The following LIG1 variants were observed in gnomAD, a reference collection of about 807,000 sequenced individuals.
LIG1 encodes DNA ligase 1, also known as ligase I, DNA, ATP-dependent.
Under a neutral mutation model 115.7 loss-of-function variants are expected in LIG1, and 70 were observed. That is an observed-to-expected ratio of 0.60 (90% CI 0.50 to 0.74). The LOEUF (loss-of-function observed/expected upper bound fraction) is 0.74. LIG1 is among the 30% of genes least tolerant of loss of function. The pLI is 0.00. For synonymous variants in LIG1, 487 were observed against 495.3 expected (o/e 0.98, Z 0.22); for missense variants, 1,115 against 1,225.6 (o/e 0.91, Z 1.35).
At chr19:48,117,460 C>T (rs2032931254) in intron 26 of LIG1, among the ~76,000 whole-genome samples, 178 bp downstream of exon 26, 2 of 152,192 alleles carry the variant, frequency 1.3e-5, no homozygotes, top group African/African-American at 4.8e-5. Flanking sequence ...ATGCCCGGCC[C>T]ATTTTTAAAG....
chr19:48,157,367 G>C (rs2035917416), intron 4 of LIG1, among the ~76,000 whole-genome samples: 1 of 152,034 alleles, frequency 6.6e-6, no homozygotes, highest in Admixed American at 6.6e-5. Context: ...GTTTTCTACA[G>C]TAACAGAATC....
intron 11 of LIG1, among the ~76,000 whole-genome samples, chr19:48,141,446 A>T (rs1262121842): frequency 3.9e-5 from 6 of 152,152 alleles, no homozygotes; most frequent in Admixed American, 2.0e-4. Flanking sequence ...GCACCTTTTA[A>T]CTCATAGAAT....
intron 9 of LIG1, among the ~76,000 whole-genome samples, chr19:48,149,143 C>A (rs1193126388): frequency 6.6e-6 from 1 of 152,184 alleles, no homozygotes; most frequent in Non-Finnish European, 1.5e-5. Context: ...AACTGTGTCT[C>A]TACTGAAAAT....
At position 48,136,134 on chromosome 19, in the gene LIG1, A is replaced by G. The variant is rs2034374568; in HGVS notation, c.1332-9T>C. 1 of 1,559,034 alleles carries G rather than the reference A, an allele frequency of 6.4e-7. No individual in the cohort carries two copies. On this transcript the variant is annotated splice_polypyrimidine_tract_variant and intron_variant, in intron 14 of 27. Coordinates refer to ENST00000263274, the MANE Select transcript of LIG1 (RefSeq NM_000234.3). Reference sequence around the variant, plus strand: ...GCCGTCCGCTCAGGGACCTGGGGAGAGAGCAGGCCAGGGAAGGGGGCTTGT... The same window carrying G: ...GCCGTCCGCTCAGGGACCTGGGGAGGGAGCAGGCCAGGGAAGGGGGCTTGT...
rs962157754 is a variant in LIG1, at chr19:48,153,873, TTCC to T, written c.462_464del (p.Glu158del). 1.3e-6 allele frequency: 2 copies of T among 1,572,192 alleles called. No homozygotes were observed. Among genetic ancestry groups the T allele is most frequent in the East Asian group, 2.4e-5 (1 of 42,114 alleles). The stretch of plus-strand genomic sequence containing the variant: ...ACTTCTCTCCTTCTGGGGGCTCACC[TTCC>T]TCCTCCTTCTTCCTCTTGGCTTCTC... On this transcript the variant is annotated inframe_deletion and splice_region_variant, in exon 6 of 28. Transcript: ENST00000263274.
At position 48,144,036 on chromosome 19, in the gene LIG1, T is replaced by A. The variant is rs2034957026; in HGVS notation, c.777-73A>T. On this transcript the variant is annotated intron_variant, in intron 9 of 27. Transcript: ENST00000263274. ...GCAAAGTCATTCCTTCCAACTGTGA[T>A]GTGCCAGGCTCTGTTCAAGGCACAC... 7.4e-6 allele frequency: 9 copies of A among 1,215,592 alleles called. No individual in the cohort carries two copies. The South Asian group carries it at 1.1e-4, about 15-fold the overall frequency. The allele number at this position is 1,215,592 out of a possible 1,614,324, so 75.3% of individuals were successfully genotyped here.
At chr19:48,131,645 GC>G (rs1269340900) in intron 18 of LIG1, among the ~76,000 whole-genome samples, 1 of 151,964 alleles carries the variant, frequency 6.6e-6, no homozygotes, top group Non-Finnish European at 1.5e-5. Context: ...TTTTAGTAGA[GC>G]CAGGCTGGTC....
In LIG1 at chr19:48,115,853, C is replaced by T; in HGVS notation, c.2676+20G>A. 1 of 1,608,922 alleles carries T rather than the reference C, an allele frequency of 6.2e-7. No individual in the cohort carries two copies. The highest frequency in any genetic ancestry group is 8.5e-7 in the Non-Finnish European group (1 of 1,175,480). On this transcript the variant is annotated intron_variant, in intron 27 of 27. Transcript: ENST00000263274. ...GGGCCAAGCAGCTGGGCGGCCCACC[C>T]CTGCTTCCCAGGACCTCACCTGAGC...
At chr19:48,161,337 T>C in intron 4 of LIG1, 35 bp downstream of exon 4, 3 of 1,614,064 alleles carry the variant, frequency 1.9e-6, no homozygotes, top group Non-Finnish European at 2.5e-6. Flanking sequence ...AATTAGTTTC[T>C]TCTGGTAAAA....
At chr19:48,139,127 C>A (rs761984848) in intron 12 of LIG1, among the ~76,000 whole-genome samples, 7 of 152,224 alleles carry the variant, frequency 4.6e-5, no homozygotes, top group Non-Finnish European at 1.0e-4. Context: ...CACTGACCAG[C>A]CCGAACCCTG....
intron 25 of LIG1, 184 bp from the exon 26 acceptor site, chr19:48,117,965 GAGAAAC>G: frequency 1.5e-6 from 1 of 646,292 alleles, no homozygotes; most frequent in Non-Finnish European, 2.7e-6. Context: ...GAAATAGAAA[GAGAAAC>G]AGAAAGTGAA....
chr19:48,161,332 G>T (rs2036164389), intron 4 of LIG1, 40 bp downstream of exon 4: 2 of 1,613,762 alleles, frequency 1.2e-6, no homozygotes, highest in Non-Finnish European at 1.7e-6. Flanking sequence ...ATGGGAATTA[G>T]TTTCTTCTGG....
In LIG1 at chr19:48,127,964, G is replaced by A. The variant is rs766143201; in HGVS notation, c.1878C>T (p.Asp626=). 11 of 1,614,180 alleles carry A rather than the reference G, an allele frequency of 6.8e-6. No individual in the cohort carries two copies. Among genetic ancestry groups the A allele is most frequent in the Non-Finnish European group, 9.3e-6 (11 of 1,180,036 alleles). Reference sequence around the variant, plus strand: ...ATGGCTGGATCTGCTTCTTTTCCCGGTCCCAAGCCACGGCTTCGGTGTCCA... The same window carrying A: ...ATGGCTGGATCTGCTTCTTTTCCCGATCCCAAGCCACGGCTTCGGTGTCCA... ...FILDTEAVAW[D]REKKQIQPFQ... is the part of the protein sequence containing the mutation. The change falls in exon 20 of 28, where the codon GAC becomes GAT. Residue 626 remains aspartate (D), a synonymous_variant. Transcript: ENST00000263274.
At chr19:48,145,432 T>C (rs1445953556) in intron 9 of LIG1, among the ~76,000 whole-genome samples, 1 of 152,134 alleles carries the variant, frequency 6.6e-6, no homozygotes, top group Admixed American at 6.5e-5. Context: ...CTGGGTGCAC[T>C]TCATGGAACA....
chr19:48,132,852 C>A (rs2034127729), intron 18 of LIG1, 130 bp downstream of exon 18: 2 of 737,888 alleles, frequency 2.7e-6, no homozygotes, highest in African/African-American at 3.7e-5. Context: ...GATGCTGAAG[C>A]CCAGAGAGAT....
In LIG1 at chr19:48,135,716, A is replaced by C. The variant is rs1426721145; in HGVS notation, c.1487T>G (p.Leu496Arg). 1 of 1,613,828 alleles carries C rather than the reference A, an allele frequency of 6.2e-7. No individual in the cohort carries two copies. The highest frequency in any genetic ancestry group is 1.3e-5 in the African/African-American group (1 of 74,812). ...CTTCAGGATCATGCCTTGCTCCTCC[A>C]GCCACGTCTTTCTGGCCTCTGCTGT... ...GKTAEARKTW[L>R]EEQGMILKQT... Residue 496 changes from leucine (L) to arginine (R), a missense_variant, in exon 16 of 28, where the codon CTG becomes CGG. Leu to Arg is a moderately radical substitution (Grantham distance 102). Coordinates refer to ENST00000263274, the MANE Select transcript of LIG1 (RefSeq NM_000234.3).
At chr19:48,116,228 G>A (rs1035800070) in intron 26 of LIG1, 13 of 431,836 alleles carry the variant, frequency 3.0e-5, no homozygotes, top group Middle Eastern at 7.2e-4. Context: ...TGGATCACGA[G>A]GTCAGGAGAT....
chr19:48,132,248 C>T (rs2034073820), intron 18 of LIG1, among the ~76,000 whole-genome samples: 1 of 152,178 alleles, frequency 6.6e-6, no homozygotes, highest in Admixed American at 6.5e-5. Context: ...AGGCCCCACA[C>T]TTGCCAGGAC....
chr19:48,117,691 C>T lies in LIG1; in HGVS notation c.2530G>A (p.Val844Met). ...GAGAGGGAGAGGTCAGCGCACTTCA[C>T]CTCCCACACAGCGCTGGGGTCCAGC... ...HWLDPSAVWE[V>M]KCADLSLSPI... Residue 844 changes from valine (V) to methionine (M), a missense_variant, in exon 26 of 28, where the codon GTG becomes ATG. By Grantham distance (21) the Val-to-Met change is conservative. Transcript: ENST00000263274. 1 of 1,612,652 alleles carries T rather than the reference C, an allele frequency of 6.2e-7. No homozygotes were observed.
Sources: allele counts gnomAD v4.1 joint callset (sites outside exome capture counted in the v4.1 genomes callset), GRCh38; gene constraint gnomAD v4.1.1; transcripts MANE v1.5; gene names NCBI Gene and HGNC (gene_info 2026-07-23, HGNC 2026-07-21).